Variants in ZNF649 observed in about 807,000 individuals in gnomAD.
ZNF649 encodes the protein zinc finger protein 649.
A neutral mutation model predicts 14.1 loss-of-function variants in ZNF649; 7 were observed. The observed-to-expected ratio is 0.49, with a 90% CI of 0.28 to 0.93. ZNF649 has a LOEUF of 0.93. ZNF649 is among the 40% of genes least tolerant of loss of function. The pLI, the probability that ZNF649 is intolerant of heterozygous loss-of-function variation, is 0.10. For missense variants in ZNF649, 544 were observed against 608.1 expected, an observed-to-expected ratio of 0.89 and a Z score of 1.11; for synonymous variants, 227 against 212.3, an observed-to-expected ratio of 1.07 and a Z score of -0.60.
At chr19:51,893,749 G>A (rs1399168220) in intron 4 of ZNF649, among the ~76,000 whole-genome samples, 1 of 151,976 alleles carries the variant, frequency 6.6e-6, no homozygotes, top group Non-Finnish European at 1.5e-5. Context: ...TCCTCACCTT[G>A]CCACTAACAG....
rs1008252935 is a variant in ZNF649, at chr19:51,889,476, T to A, written c.*1142A>T. 3.3e-5 allele frequency: 5 copies of A among 152,176 alleles called. No homozygotes were observed. Among genetic ancestry groups the A allele is most frequent in the African/African-American group, 1.2e-4 (5 of 41,442 alleles). The allele number at this position is 152,176 out of a possible 1,614,324, so 9.4% of individuals were successfully genotyped here. A position where few individuals can be genotyped will look rare whatever the true frequency, so the allele number is the denominator to read the frequency against. On this transcript the variant is annotated 3_prime_UTR_variant, in exon 5 of 5. Coordinates refer to ENST00000354957, the MANE Select transcript of ZNF649 (RefSeq NM_023074.4). ...GTCCAGTGAGAGTCCATTTCCTGGT[T>A]TATGCATGGTCATCTCATTCTGTCT...
rs2085062542 is a variant in ZNF649, at chr19:51,896,403, A to G, written c.238+69T>C. On this transcript the variant is annotated intron_variant, in intron 4 of 4. Coordinates refer to ENST00000354957, the MANE Select transcript of ZNF649 (RefSeq NM_023074.4). ...CTCCCTAGACACTTTCACAACTGTCATGCCTTCTCTAAATGACCAGAATGT... is the reference window on the plus strand; with the variant it reads ...CTCCCTAGACACTTTCACAACTGTCGTGCCTTCTCTAAATGACCAGAATGT... 3 of 1,379,688 alleles carry G rather than the reference A, an allele frequency of 2.2e-6. No individual in the cohort carries two copies. The Admixed American group carries it at 5.0e-5, about 23-fold the overall frequency. 85.5% of individuals were successfully genotyped at this position (1,379,688 alleles called of 1,614,324 possible).
At position 51,890,622 on chromosome 19, in the gene ZNF649, G is replaced by C. The variant is rs148916026; in HGVS notation, c.1514C>G (p.Ser505Ter). The change falls in exon 5 of 5, where the codon TCA (serine) becomes TGA (stop). Residue 505 changes from serine (S) to a stop codon, truncating the protein, a stop_gained. Transcript: ENST00000354957. LOFTEE classifies it high-confidence loss of function. The part of the protein sequence containing the change: ...GQCEFAHILH[S>*] Reference sequence around the variant, plus strand: ...GATCAAACAGCAAACTGTTTATCATGAATGCAGGATGTGGGCAAACTCACA... The same window carrying C: ...GATCAAACAGCAAACTGTTTATCATCAATGCAGGATGTGGGCAAACTCACA... 15 of 1,600,274 alleles carry C rather than the reference G, an allele frequency of 9.4e-6. No individual in the cohort carries two copies. The highest frequency in any genetic ancestry group is 1.2e-5 in the Non-Finnish European group (14 of 1,169,214).
Position 51,890,595 on chromosome 19 carries a change from A to G in ZNF649, c.*23T>C. The G allele has an allele frequency of 6.6e-7, 1 of 1,526,690 alleles. No individual in the cohort carries two copies. Among genetic ancestry groups the G allele is most frequent in the Non-Finnish European group, 9.0e-7 (1 of 1,109,924 alleles). 94.6% of individuals were successfully genotyped at this position (1,526,690 alleles called of 1,614,324 possible). On this transcript the variant is annotated 3_prime_UTR_variant, in exon 5 of 5. Transcript: ENST00000354957. ...AACTCAGCATTCCGCTGGAGGCTAT[A>G]TGATCAAACAGCAAACTGTTTATCA...
Position 51,900,276 on chromosome 19 carries a change from G to A in ZNF649, c.-169C>T, listed in dbSNP as rs1232161381. Reference sequence around the variant, plus strand: ...CTCCTTCCTTCATTTGAACTCTCTTGCTTCTGGGGAGCCAGGACCTATGGA... The same window carrying A: ...CTCCTTCCTTCATTTGAACTCTCTTACTTCTGGGGAGCCAGGACCTATGGA... On this transcript the variant is annotated 5_prime_UTR_variant, in exon 2 of 5. Transcript: ENST00000354957. The A allele has an allele frequency of 2.0e-6, 1 of 489,636 alleles. No individual in the cohort carries two copies. The highest frequency in any genetic ancestry group is 3.5e-6 in the Non-Finnish European group (1 of 283,106). The allele number at this position is 489,636 out of a possible 1,614,324, so 30.3% of individuals were successfully genotyped here.
intron 2 of ZNF649, among the ~76,000 whole-genome samples, chr19:51,897,438 T>A (rs10404812): frequency 2.6e-5 from 4 of 152,110 alleles, no homozygotes; most frequent in African/African-American, 7.2e-5. Context: ...AACATGAGAA[T>A]GTCTGCAGTG....
At chr19:51,901,167 T>C (rs756416410) in intron 1 of ZNF649, among the ~76,000 whole-genome samples, 5 of 152,154 alleles carry the variant, frequency 3.3e-5, no homozygotes, top group Non-Finnish European at 7.3e-5. Flanking sequence ...ATGGTTTTTA[T>C]TGGGGGCTGA....
intron 2 of ZNF649, among the ~76,000 whole-genome samples, chr19:51,898,637 G>T (rs914634514): frequency 2.0e-5 from 3 of 152,006 alleles, no homozygotes; most frequent in Non-Finnish European, 4.4e-5. Context: ...CCATGGCTGG[G>T]TGCGGTGGCT....
chr19:51,896,602 C>A, intron 3 of ZNF649, 35 bp from the exon 4 acceptor site: 1 of 1,602,526 alleles, frequency 6.2e-7, no homozygotes, highest in Non-Finnish European at 8.6e-7. Flanking sequence ...CTTAGGCTCA[C>A]TGAATTGCAC....
intron 2 of ZNF649, among the ~76,000 whole-genome samples, chr19:51,898,641 G>A (rs527598103): frequency 9.2e-5 from 14 of 151,874 alleles, no homozygotes; most frequent in South Asian, 2.1e-4. Flanking sequence ...GGCTGGGTGC[G>A]GTGGCTCACA....
intron 2 of ZNF649, chr19:51,897,190 G>C: frequency 1.8e-6 from 1 of 553,440 alleles, no homozygotes; most frequent in South Asian, 2.3e-5. Flanking sequence ...ATGTTACTCT[G>C]TATAAGCGAG....
Position 51,890,654 on chromosome 19 carries a change from T to C in ZNF649, c.1482A>G (p.Ala494=). The change falls in exon 5 of 5, where the codon GCA becomes GCG. Residue 494 remains alanine (A), a synonymous_variant. Coordinates refer to ENST00000354957, the MANE Select transcript of ZNF649 (RefSeq NM_023074.4). ...PVNMVTVAMV[A]GQCEFAHILH... ...GGATGTGGGCAAACTCACACTGCCCTGCCACCATTGCCACAGTTACCATAT... is the reference window on the plus strand; with the variant it reads ...GGATGTGGGCAAACTCACACTGCCCCGCCACCATTGCCACAGTTACCATAT... 2 of 1,613,976 alleles carry C rather than the reference T, an allele frequency of 1.2e-6. No individual in the cohort carries two copies. Among genetic ancestry groups the C allele is most frequent in the Non-Finnish European group, 1.7e-6 (2 of 1,179,932 alleles).
chr19:51,889,274 G>C lies in ZNF649; in HGVS notation c.*1344C>G, dbSNP rs545484912. ...TTTATTATACAGTAAGTGATATAAT[G>C]TCCTTGAAGTTAGAATGATAAGTTC... On this transcript the variant is annotated 3_prime_UTR_variant, in exon 5 of 5. Coordinates refer to ENST00000354957, the MANE Select transcript of ZNF649 (RefSeq NM_023074.4). 6.6e-6 allele frequency: 1 copy of C among 152,282 alleles called. No individual in the cohort carries two copies. Among genetic ancestry groups the C allele is most frequent in the Admixed American group, 6.5e-5 (1 of 15,302 alleles). The allele number at this position is 152,282 out of a possible 1,614,324, so 9.4% of individuals were successfully genotyped here. A position where few individuals can be genotyped will look rare whatever the true frequency, so the allele number is the denominator to read the frequency against.
At position 51,900,268 on chromosome 19, in the gene ZNF649, A is replaced by T; in HGVS notation, c.-161T>A. On this transcript the variant is annotated 5_prime_UTR_variant, in exon 2 of 5. Transcript: ENST00000354957. ...GGAACCTCCTCCTTCCTTCATTTGA[A>T]CTCTCTTGCTTCTGGGGAGCCAGGA... 1 of 507,642 alleles carries T rather than the reference A, an allele frequency of 2.0e-6. No individual in the cohort carries two copies. 31.4% of individuals were successfully genotyped at this position (507,642 alleles called of 1,614,324 possible).
Position 51,900,201 on chromosome 19 carries a change from T to A in ZNF649, c.-94A>T, listed in dbSNP as rs2085087137. The A allele has an allele frequency of 9.0e-7, 1 of 1,112,970 alleles. No individual in the cohort carries two copies. Among genetic ancestry groups the A allele is most frequent in the Non-Finnish European group, 1.2e-6 (1 of 809,962 alleles). The allele number at this position is 1,112,970 out of a possible 1,614,324, so 68.9% of individuals were successfully genotyped here. ...AAATTTTGGCTAAGAAATCTGAGTCTCCATTTAAGAGTGTTCCCAGAAATG... is the reference window on the plus strand; with the variant it reads ...AAATTTTGGCTAAGAAATCTGAGTCACCATTTAAGAGTGTTCCCAGAAATG... On this transcript the variant is annotated 5_prime_UTR_variant, in exon 2 of 5. Transcript: ENST00000354957.
At position 51,904,902 on chromosome 19, in the gene ZNF649, CCAAA is replaced by C. The variant is rs1159458817; in HGVS notation, c.-188+8_-188+11del. The C allele has an allele frequency of 1.3e-5, 2 of 152,466 alleles. No homozygotes were observed. The highest frequency in any genetic ancestry group is 2.9e-5 in the Non-Finnish European group (2 of 68,258). 9.4% of individuals were successfully genotyped at this position (152,466 alleles called of 1,614,324 possible). A position where few individuals can be genotyped will look rare whatever the true frequency, so the allele number is the denominator to read the frequency against. ...CCTTTAACCTACTCCACGGAGAGACCCAAACACTCACCTGATTTTCTTCTGGCTA... is the reference window on the plus strand; with the variant it reads ...CCTTTAACCTACTCCACGGAGAGACCCACTCACCTGATTTTCTTCTGGCTA... On this transcript the variant is annotated splice_region_variant and intron_variant, in intron 1 of 4. Coordinates refer to ENST00000354957, the MANE Select transcript of ZNF649 (RefSeq NM_023074.4).
Position 51,891,118 on chromosome 19 carries a change from G to A in ZNF649, c.1018C>T (p.His340Tyr). Reference sequence around the variant, plus strand: ...CATCCATAAGGTTTCTCTCCAGTGTGAGTTCGTTGATGTATGTTGAGATTG... The same window carrying A: ...CATCCATAAGGTTTCTCTCCAGTGTAAGTTCGTTGATGTATGTTGAGATTG... Reference protein sequence around the residue: ...KGNLNIHQRTHTGEKPYGCID... With the variant: ...KGNLNIHQRTYTGEKPYGCID... Residue 340 changes from histidine (H) to tyrosine (Y), a missense_variant, in exon 5 of 5, where the codon CAC (histidine) becomes TAC (tyrosine). His to Tyr is a moderately conservative substitution (Grantham distance 83). Transcript: ENST00000354957. The surrounding 1 kb of genome is among the most constrained non-coding windows in gnomAD (Gnocchi z 4.2). 6.2e-7 allele frequency: 1 copy of A among 1,614,162 alleles called. No homozygotes were observed.
chr19:51,891,194 T>C lies in ZNF649; in HGVS notation c.942A>G (p.Gly314=), dbSNP rs1190091138. 6.2e-7 allele frequency: 1 copy of C among 1,614,266 alleles called. No homozygotes were observed. The highest frequency in any genetic ancestry group is 8.5e-7 in the Non-Finnish European group (1 of 1,180,040). ...ATTCACTGCATGTATGAGGCTTCTC[T>C]CCTGTATGAGTTCGCTGATGTACAA... ...LLVVHQRTHT[G]EKPHTCSECG... Residue 314 remains glycine (G), a synonymous_variant, in exon 5 of 5, where the codon GGA becomes GGG. Transcript: ENST00000354957. This position sits in a 1 kb window ranked among gnomAD's most constrained non-coding sequence, Gnocchi z 4.2.
At chr19:51,896,793 G>T in intron 3 of ZNF649, 59 bp downstream of exon 3, 1 of 1,614,106 alleles carries the variant, frequency 6.2e-7, no homozygotes, top group South Asian at 1.1e-5. Flanking sequence ...TCCAGAAGCT[G>T]AGAAAGCAAA....
Sources: gnomAD v4.1 joint callset for allele counts (sites outside exome capture counted in the v4.1 genomes callset) on GRCh38, gnomAD v4.1.1 for gene constraint, Gnocchi (gnomAD v3.1) non-coding constraint, MANE v1.5 for transcripts, NCBI Gene and HGNC (gene_info 2026-07-23, HGNC 2026-07-21) for gene names.